Variants in MFHAS1 observed in about 807,000 individuals in gnomAD.
MFHAS1 encodes multifunctional ROCO family signaling regulator 1.
A neutral mutation model predicts 70.4 loss-of-function variants in MFHAS1; 50 were observed. That is an observed-to-expected ratio of 0.71 (90% CI 0.57 to 0.90). The LOEUF (loss-of-function observed/expected upper bound fraction) is 0.90. MFHAS1 is among the 40% of genes least tolerant of loss of function. The probability of loss-of-function intolerance (pLI) is 0.00; values close to 1 mark genes in which losing one functional copy is unlikely to be tolerated. For synonymous variants in MFHAS1, 952 were observed against 620.0 expected (o/e 1.54, Z -7.96); for missense variants, 1,795 against 1,347.6 (o/e 1.33, Z -5.20).
At chr8:8,852,693 A>AATTCCGTTCTGAAGTCCAGAGAAAAAGC (rs1222519774) in intron 1 of MFHAS1, among the ~76,000 whole-genome samples, 2 of 152,192 alleles carry the variant, frequency 1.3e-5, no homozygotes, top group Non-Finnish European at 2.9e-5. Context: ...ACCATGCATT[A>AATTCCGTTCTGAAGTCCAGAGAAAAAGC]ATTCCGTTCT....
At chr8:8,888,833 G>C (rs1211751684) in intron 1 of MFHAS1, among the ~76,000 whole-genome samples, 2 of 152,134 alleles carry the variant, frequency 1.3e-5, no homozygotes, top group African/African-American at 4.8e-5. Context: ...AGTAAACCCT[G>C]TGTAAACTAT....
chr8:8,883,085 G>A (rs910592872), intron 1 of MFHAS1, among the ~76,000 whole-genome samples: 5 of 152,116 alleles, frequency 3.3e-5, no homozygotes, highest in African/African-American at 1.2e-4. Flanking sequence ...CCCAGGAGGT[G>A]GAGGTTGCAG....
In MFHAS1 at chr8:8,891,259, G is replaced by A; in HGVS notation, c.1800C>T (p.Asp600=). 3 of 1,612,158 alleles carry A rather than the reference G, an allele frequency of 1.9e-6. No individual in the cohort carries two copies. The highest frequency in any genetic ancestry group is 2.5e-6 in the Non-Finnish European group (3 of 1,180,026). ...GGGCCTTGCGCCGTCGAAGGTTCTT[G>A]TCCGAAACGCCATAGTAGGCTGCGT... ...SPHAAYYGVS[D]KNLRRRKAHF... The change falls in exon 1 of 3, where the codon GAC becomes GAT. Residue 600 remains aspartate, a synonymous_variant. Transcript: ENST00000276282. This position sits in a 1 kb window ranked among gnomAD's most constrained non-coding sequence, Gnocchi z 5.4.
rs539275585 is a variant in MFHAS1 at position 8,789,527 on chromosome 8, C to CCTT, written c.3126-3475_3126-3473dup. 5.6e-4 allele frequency among the ~76,000 whole-genome samples: 85 copies of CCTT among 152,246 alleles called. 1 individual carries two copies. The South Asian group carries it at 0.017, about 31-fold the overall frequency. On this transcript the variant is annotated intron_variant, in intron 2 of 2. Transcript: ENST00000276282. ...CCCAGGTTAGGGAATTGAAATCTGC[C>CCTT]CTTCCAGGATGCAACAAAGAAATTA...
At chr8:8,826,359 C>A (rs546677112) in intron 1 of MFHAS1, among the ~76,000 whole-genome samples, 1 of 152,008 alleles carries the variant, frequency 6.6e-6, no homozygotes, top group Non-Finnish European at 1.5e-5. Context: ...GGGAAGAACA[C>A]GTGCCTAATC....
intron 1 of MFHAS1, among the ~76,000 whole-genome samples, chr8:8,859,515 C>G (rs1017006596): frequency 1.3e-5 from 2 of 152,148 alleles, no homozygotes; most frequent in Non-Finnish European, 2.9e-5. Context: ...CAGTTTTCTT[C>G]CACCCCTACC....
chr8:8,844,048 A>G (rs2116858995), intron 1 of MFHAS1, among the ~76,000 whole-genome samples: 1 of 152,320 alleles, frequency 6.6e-6, no homozygotes, highest in Non-Finnish European at 1.5e-5. Flanking sequence ...AGAAACGCAA[A>G]TTCTAATCCT....
At chr8:8,816,374 A>C (rs564518956) in intron 1 of MFHAS1, among the ~76,000 whole-genome samples, 178 of 152,354 alleles carry the variant, frequency 1.2e-3, no homozygotes, top group Non-Finnish European at 2.1e-3. Context: ...TATCACCAAG[A>C]AATATCAATT....
chr8:8,786,195 C>A, intron 2 of MFHAS1, 140 bp from the exon 3 acceptor site: 1 of 790,562 alleles, frequency 1.3e-6, no homozygotes, highest in Non-Finnish European at 2.1e-6. Flanking sequence ...TCATTATAAA[C>A]ATGTAAATGT....
At chr8:8,814,645 AG>A (rs2117290164) in intron 1 of MFHAS1, among the ~76,000 whole-genome samples, 1 of 152,352 alleles carries the variant, frequency 6.6e-6, no homozygotes, top group South Asian at 2.1e-4. Flanking sequence ...ATCTGATAAA[AG>A]ACCTATGTGC....
intron 1 of MFHAS1, among the ~76,000 whole-genome samples, chr8:8,856,407 G>A (rs574750189): frequency 2.0e-5 from 3 of 152,270 alleles, no homozygotes; most frequent in South Asian, 2.1e-4. Context: ...AAAGTAGGAC[G>A]CAGAAAAGAA....
chr8:8,892,735 C>A lies in MFHAS1; in HGVS notation c.324G>T (p.Glu108Asp). ...RFARLPPAVAELGHHLTELDV... is the reference protein window; with the variant it reads ...RFARLPPAVADLGHHLTELDV... ...CCAGCTCGGTGAGGTGGTGGCCGAG[C>A]TCGGCCACCGCCGGGGGCAGCCGGG... Residue 108 changes from glutamate to aspartate, a missense_variant, in exon 1 of 3, where the codon GAG becomes GAT. By Grantham distance (45) the Glu-to-Asp change is conservative. Coordinates refer to ENST00000276282, the MANE Select transcript of MFHAS1 (RefSeq NM_004225.3). The surrounding 1 kb of genome is among the most constrained non-coding windows in gnomAD (Gnocchi z 4.7). The A allele has an allele frequency of 1.3e-6, 2 of 1,572,910 alleles. No individual in the cohort carries two copies. Among genetic ancestry groups the A allele is most frequent in the Non-Finnish European group, 1.7e-6 (2 of 1,161,622 alleles).
At chr8:8,838,858 T>C (rs540700103) in intron 1 of MFHAS1, among the ~76,000 whole-genome samples, 21 of 152,110 alleles carry the variant, frequency 1.4e-4, no homozygotes, top group South Asian at 2.1e-4. Context: ...TCTTCTCCCT[T>C]CCTGAGTACC....
chr8:8,834,888 G>C (rs76918115), intron 1 of MFHAS1, among the ~76,000 whole-genome samples: 3,441 of 152,276 alleles, frequency 0.023, 124 homozygotes, highest in African/African-American at 0.079. Context: ...ATCTTGGAGG[G>C]AAACAGCAAT....
chr8:8,871,225 C>T (rs1052889007), intron 1 of MFHAS1, among the ~76,000 whole-genome samples: 3 of 152,144 alleles, frequency 2.0e-5, no homozygotes, highest in African/African-American at 7.2e-5. Flanking sequence ...GTAATCAGAG[C>T]TAATGTTTAC....
intron 1 of MFHAS1, among the ~76,000 whole-genome samples, chr8:8,874,502 C>A (rs1809215913): frequency 6.6e-6 from 1 of 152,086 alleles, no homozygotes. Flanking sequence ...AAAATATATG[C>A]AAATACATGC....
At chr8:8,849,464 C>G (rs1167587507) in intron 1 of MFHAS1, among the ~76,000 whole-genome samples, 2 of 152,316 alleles carry the variant, frequency 1.3e-5, no homozygotes, top group African/African-American at 2.4e-5. Flanking sequence ...GCCTTCACCA[C>G]CCCACATGTG....
Position 8,800,245 on chromosome 8 carries a change from C to A in MFHAS1, c.2999-2754G>T, listed in dbSNP as rs114834460. On this transcript the variant is annotated intron_variant, in intron 1 of 2. Transcript: ENST00000276282. Reference sequence around the variant, plus strand: ...AGTTCCTTAACCAAACTCCTGTAAACAGCAAACTGCTACAAAAGTTAATTT... The same window carrying A: ...AGTTCCTTAACCAAACTCCTGTAAAAAGCAAACTGCTACAAAAGTTAATTT... Among the ~76,000 whole-genome samples the A allele has an allele frequency of 3.0e-3, 459 of 152,316 alleles. 1 individual carries two copies. Among genetic ancestry groups the A allele is most frequent in the African/African-American group, 1.0e-2 (414 of 41,566 alleles).
At chr8:8,858,623 G>T (rs117660512) in intron 1 of MFHAS1, among the ~76,000 whole-genome samples, 3,826 of 152,094 alleles carry the variant, frequency 0.025, 82 homozygotes, top group Middle Eastern at 0.041. Context: ...AACAAAAATA[G>T]ACAGTCCTCC....
Sources: allele counts gnomAD v4.1 joint callset (sites outside exome capture counted in the v4.1 genomes callset), GRCh38; gene constraint gnomAD v4.1.1; non-coding constraint Gnocchi (gnomAD v3.1); transcripts MANE v1.5; gene names NCBI Gene and HGNC (gene_info 2026-07-23, HGNC 2026-07-21).